Variants in PIEZO1 observed in about 807,000 individuals in gnomAD.
The protein encoded by PIEZO1 is piezo type mechanosensitive ion channel component 1 (Er blood group), also known as piezo-type mechanosensitive ion channel component 1.
A neutral mutation model predicts 297.2 loss-of-function variants in PIEZO1; 296 were observed. The ratio of observed to expected loss-of-function variants is 1.00; its 90% CI spans 0.91 to 1.10. The LOEUF (loss-of-function observed/expected upper bound fraction) is 1.10. Ranked by LOEUF, PIEZO1 falls within the 50% of genes least tolerant of loss-of-function variation. PIEZO1 has a pLI of 0.00. For synonymous variants in PIEZO1, 2,427 were observed against 1,507.5 expected, an observed-to-expected ratio of 1.61 and a Z score of -14.13; for missense variants, 5,018 against 3,455.5, an observed-to-expected ratio of 1.45 and a Z score of -11.34.
chr16:88,731,668 CACA>C, intron 22 of PIEZO1, 35 bp downstream of exon 22: 1 of 1,514,130 alleles, frequency 6.6e-7, no homozygotes, highest in South Asian at 1.2e-5. Context: ...TCCACAAAGC[CACA>C]AAGCCCACTC....
intron 29 of PIEZO1, among the ~76,000 whole-genome samples, 154 bp downstream of exon 29, chr16:88,725,262 C>A (rs12934653): frequency 6.6e-6 from 1 of 152,218 alleles, no homozygotes; most frequent in Admixed American, 6.5e-5. Context: ...CACAGGGCGG[C>A]CATGGGGCCT....
At chr16:88,742,139 C>A (rs1486900430) in intron 3 of PIEZO1, 44 bp from the exon 4 acceptor site, 1 of 1,533,806 alleles carries the variant, frequency 6.5e-7, no homozygotes, top group South Asian at 1.2e-5. Flanking sequence ...TCTGCCCAGC[C>A]AGCACCGTGG....
At chr16:88,724,462 T>G (rs1228990627) in intron 30 of PIEZO1, among the ~76,000 whole-genome samples, 1 of 129,844 alleles carries the variant, frequency 7.7e-6, no homozygotes, top group South Asian at 2.5e-4. Context: ...ACCTGGGAGG[T>G]GGGGGTTGTA....
At chr16:88,725,990 T>C (rs949834767) in intron 27 of PIEZO1, 15 of 566,332 alleles carry the variant, frequency 2.6e-5, no homozygotes, top group African/African-American at 2.2e-4. Context: ...CACCACACAG[T>C]GGCCCTCCCG....
intron 21 of PIEZO1, 52 bp downstream of exon 21, chr16:88,732,283 C>G (rs1904905275): frequency 6.8e-7 from 1 of 1,468,834 alleles, no homozygotes; most frequent in Non-Finnish European, 9.3e-7. Context: ...AGCCGTCCCT[C>G]CCTCCCGAAG....
chr16:88,769,893 C>A (rs936186738), intron 1 of PIEZO1, among the ~76,000 whole-genome samples: 1 of 152,200 alleles, frequency 6.6e-6, no homozygotes, highest in African/African-American at 2.4e-5. Context: ...CGGCATGGGG[C>A]GGAGTGTGGT....
chr16:88,781,487 G>A (rs1005387615), intron 1 of PIEZO1, among the ~76,000 whole-genome samples: 3 of 152,214 alleles, frequency 2.0e-5, no homozygotes, highest in East Asian at 3.9e-4. Flanking sequence ...CAGGCCCCAG[G>A]CTCTCCTGCT....
rs1418438952 is a variant in PIEZO1, at chr16:88,732,678, A to T, written c.2719T>A (p.Tyr907Asn). 1 of 1,549,542 alleles carries T rather than the reference A, an allele frequency of 6.5e-7. No individual in the cohort carries two copies. Among genetic ancestry groups the T allele is most frequent in the Non-Finnish European group, 8.7e-7 (1 of 1,146,440 alleles). ...LPTEISQSLL[Y>N]RGPVDPANWF... Reference sequence around the variant, plus strand: ...TTGGCAGGGTCCACGGGCCCCCGGTACAGCAGGGACTGGCTGATCTCCGTG... The same window carrying T: ...TTGGCAGGGTCCACGGGCCCCCGGTTCAGCAGGGACTGGCTGATCTCCGTG... The change falls in exon 20 of 51, where the codon TAC (tyrosine) becomes AAC (asparagine). Residue 907 changes from tyrosine to asparagine, a missense_variant. Transcript: ENST00000301015.
chr16:88,772,289 T>A (rs1477615970), intron 1 of PIEZO1, among the ~76,000 whole-genome samples: 1 of 152,370 alleles, frequency 6.6e-6, no homozygotes, highest in East Asian at 1.9e-4. Flanking sequence ...AGACGTATCA[T>A]GGCAGCAAGT....
intron 1 of PIEZO1, among the ~76,000 whole-genome samples, chr16:88,768,125 C>A (rs1034947799): frequency 6.6e-6 from 1 of 152,228 alleles, no homozygotes; most frequent in African/African-American, 2.4e-5. Context: ...GGGCCCAGGG[C>A]CCAGGGCCCA....
rs558245720 is a variant in PIEZO1, at chr16:88,728,257, G to C, written c.3197-596C>G. 4.9e-4 allele frequency among the ~76,000 whole-genome samples: 75 copies of C among 152,378 alleles called. 1 individual carries two copies. Among genetic ancestry groups the C allele is most frequent in the Admixed American group, 1.2e-3 (18 of 15,312 alleles). The stretch of plus-strand genomic sequence containing the variant: ...GGGAGCCGTGGCACTGCCGGCCCCC[G>C]GCCACACTTCCTGGGAGGCGTGTGA... On this transcript the variant is annotated intron_variant, in intron 22 of 50. Transcript: ENST00000301015.
chr16:88,727,404 G>A (rs112329218), intron 23 of PIEZO1, among the ~76,000 whole-genome samples, 153 bp downstream of exon 23: 3 of 148,864 alleles, frequency 2.0e-5, no homozygotes, highest in African/African-American at 5.2e-5. Context: ...TGAGGTCTGC[G>A]TGCGTGCGTG....
At position 88,726,656 on chromosome 16, in the gene PIEZO1, A is replaced by AAGGTCAGCG. The variant is rs1904457353; in HGVS notation, c.3700-14_3700-13insCGCTGACCT. On this transcript the variant is annotated splice_polypyrimidine_tract_variant and intron_variant, in intron 25 of 50. Transcript: ENST00000301015. ...CGCAGGCCAGGAGCTGGGGGAGAGC[A>AAGGTCAGCG]GGGTCAGCGGGGCCAGCGGGGCCCC... 1.1e-6 allele frequency: 1 copy of AAGGTCAGCG among 941,030 alleles called. No homozygotes were observed. The highest frequency in any genetic ancestry group is 1.5e-6 in the Non-Finnish European group (1 of 671,046). The allele number at this position is 941,030 out of a possible 1,614,324, so 58.3% of individuals were successfully genotyped here.
intron 1 of PIEZO1, among the ~76,000 whole-genome samples, chr16:88,760,701 C>G (rs920326244): frequency 1.3e-5 from 2 of 152,072 alleles, no homozygotes; most frequent in African/African-American, 4.8e-5. Context: ...AGCGGAGACA[C>G]CCGCCTTTGA....
At position 88,736,719 on chromosome 16, in the gene PIEZO1, G is replaced by A. The variant is rs1473342121; in HGVS notation, c.1216C>T (p.Pro406Ser). 3 of 1,531,216 alleles carry A rather than the reference G, an allele frequency of 2.0e-6. No individual in the cohort carries two copies. The highest frequency in any genetic ancestry group is 1.4e-5 in the African/African-American group (1 of 72,932). The allele number at this position is 1,531,216 out of a possible 1,614,324, so 94.9% of individuals were successfully genotyped here. The change falls in exon 11 of 51, where the codon CCC becomes TCC. Residue 406 changes from proline (P) to serine (S), a missense_variant. Transcript: ENST00000301015. Reference sequence around the variant, plus strand: ...CTGTGGAGCGGAGACGCCTCCCTGGGCTCAGCCCGCTTGGGCCGCACTGCA... The same window carrying A: ...CTGTGGAGCGGAGACGCCTCCCTGGACTCAGCCCGCTTGGGCCGCACTGCA... ...RRPVRPKRAE[P>S]REASPLHSLG...
At chr16:88,756,936 T>C (rs8056187) in intron 1 of PIEZO1, among the ~76,000 whole-genome samples, 104,049 of 151,528 alleles carry the variant, frequency 0.69, 36,271 homozygotes, top group African/African-American at 0.82. Flanking sequence ...AGTAGCCGGG[T>C]GTGGTGGCGG....
At chr16:88,717,572 A>C (rs1912140876) in intron 44 of PIEZO1, 1 of 482,162 alleles carries the variant, frequency 2.1e-6, no homozygotes, top group African/African-American at 2.0e-5. Context: ...TTCAGAGCTA[A>C]AACTATAGAA....
At chr16:88,769,285 C>T (rs896672595) in intron 1 of PIEZO1, among the ~76,000 whole-genome samples, 1 of 152,198 alleles carries the variant, frequency 6.6e-6, no homozygotes, top group African/African-American at 2.4e-5. Flanking sequence ...CTCCTGGCCT[C>T]AAGTGATCCT....
Position 88,749,514 on chromosome 16 carries a change from A to G in PIEZO1, c.65-35T>C, listed in dbSNP as rs562003152. 1.5e-4 allele frequency: 215 copies of G among 1,464,330 alleles called. 4 individuals are homozygous for G. In the South Asian group the frequency reaches 2.5e-3, roughly 17 times the overall value. 90.7% of individuals were successfully genotyped at this position (1,464,330 alleles called of 1,614,324 possible). On this transcript the variant is annotated intron_variant, in intron 1 of 50. Transcript: ENST00000301015. ...GATGGGCGTTAACTAGGTCGCCAAC[A>G]GAGGATGGCCAGCCCCACCCCAGAG...
Sources: allele counts gnomAD v4.1 joint callset (sites outside exome capture counted in the v4.1 genomes callset), GRCh38; gene constraint gnomAD v4.1.1; transcripts MANE v1.5; gene names NCBI Gene and HGNC (gene_info 2026-07-23, HGNC 2026-07-21).